CUX2: variants seen among roughly 807,000 people sequenced by gnomAD.
The protein encoded by CUX2 is cut like homeobox 2.
A neutral mutation model predicts 144.8 loss-of-function variants in CUX2; 40 were observed. The observed-to-expected ratio is 0.28, with a 90% CI of 0.21 to 0.36. The LOEUF (loss-of-function observed/expected upper bound fraction) is 0.36, where lower values mean the gene tolerates loss of function less well. Ranked by LOEUF, CUX2 falls within the 10% of genes least tolerant of loss-of-function variation. The pLI, the probability that CUX2 is intolerant of heterozygous loss-of-function variation, is 1.00. For missense variants in CUX2, 1,615 were observed against 1,994.0 expected, an observed-to-expected ratio of 0.81 and a Z score of 3.62; for synonymous variants, 827 against 875.6, an observed-to-expected ratio of 0.94 and a Z score of 0.98.
Position 111,035,355 on chromosome 12 carries a change from G to C in CUX2, c.63+1115G>C, listed in dbSNP as rs7133580. ...TTTGGAGGTGTTCTCTGCGGACCCCGTAGGAGCCGGGGCTGGGAGGTGGAA... is the reference window on the plus strand; with the variant it reads ...TTTGGAGGTGTTCTCTGCGGACCCCCTAGGAGCCGGGGCTGGGAGGTGGAA... On this transcript the variant is annotated intron_variant, in intron 1 of 21. Transcript: ENST00000261726. The surrounding 1 kb of genome is among the most constrained non-coding windows in gnomAD (Gnocchi z 6.0). Among the ~76,000 whole-genome samples the C allele has an allele frequency of 0.077, 11,688 of 152,160 alleles. 1,474 individuals are homozygous for C. Among genetic ancestry groups the C allele is most frequent in the African/African-American group, 0.27 (11,043 of 41,472 alleles).
At position 111,068,733 on chromosome 12, in the gene CUX2, T is replaced by C. The variant is rs1482176016; in HGVS notation, c.63+34493T>C. ...CCCATGTCAGGGGCTGTTTGCACCC[T>C]GAGAGGAGAGGAGACGGGGTGCCGG... is the stretch of plus-strand genomic sequence containing the variant. On this transcript the variant is annotated intron_variant, in intron 1 of 21. Coordinates refer to ENST00000261726, the MANE Select transcript of CUX2 (RefSeq NM_015267.4). This position sits in a 1 kb window ranked among gnomAD's most constrained non-coding sequence, Gnocchi z 4.9. Among the ~76,000 whole-genome samples, 3 of 152,194 alleles carry C rather than the reference T, an allele frequency of 2.0e-5. No individual in the cohort carries two copies. Among genetic ancestry groups the C allele is most frequent in the Non-Finnish European group, 4.4e-5 (3 of 68,036 alleles).
At chr12:111,241,582 G>T (rs1478430465) in intron 3 of CUX2, among the ~76,000 whole-genome samples, 1 of 152,356 alleles carries the variant, frequency 6.6e-6, no homozygotes, top group East Asian at 1.9e-4. Flanking sequence ...TGTGAAAGGG[G>T]AGCACCTGCT....
At chr12:111,238,459 C>G (rs1416760471) in intron 3 of CUX2, among the ~76,000 whole-genome samples, 5 of 152,188 alleles carry the variant, frequency 3.3e-5, no homozygotes, top group African/African-American at 9.7e-5. Flanking sequence ...TCCATGACTC[C>G]CCTTTAAGGG....
At chr12:111,270,376 G>C (rs974937928) in intron 4 of CUX2, 2 of 152,202 alleles carry the variant, frequency 1.3e-5, no homozygotes, top group Non-Finnish European at 2.9e-5. Context: ...ATTTTGATAA[G>C]TGTGCAGCCT....
At chr12:111,290,617 G>A (rs886193087) in intron 4 of CUX2, among the ~76,000 whole-genome samples, 1 of 151,814 alleles carries the variant, frequency 6.6e-6, no homozygotes, top group East Asian at 1.9e-4. Flanking sequence ...TAGTAGCAAC[G>A]GGGTTTCACC....
At chr12:111,259,793 C>CA (rs770448329) in intron 3 of CUX2, among the ~76,000 whole-genome samples, 4,916 of 73,690 alleles carry the variant, frequency 0.067, 265 homozygotes, top group African/African-American at 0.15. Flanking sequence ...GACTCTGTCT[C>CA]AAAAAAAAAA....
At chr12:111,271,124 G>A (rs543603415) in intron 4 of CUX2, among the ~76,000 whole-genome samples, 9 of 152,282 alleles carry the variant, frequency 5.9e-5, no homozygotes, top group African/African-American at 1.9e-4. Flanking sequence ...TACGAGGTTC[G>A]GTCTGTTGTC....
intron 1 of CUX2, among the ~76,000 whole-genome samples, chr12:111,054,452 G>C (rs1260702861): frequency 6.6e-6 from 1 of 152,208 alleles, no homozygotes; most frequent in Non-Finnish European, 1.5e-5. Context: ...ATAATGGGCA[G>C]AATTTACATG....
chr12:111,259,808 A>G (rs934095743), intron 3 of CUX2, among the ~76,000 whole-genome samples: 1 of 151,882 alleles, frequency 6.6e-6, no homozygotes, highest in Non-Finnish European at 1.5e-5. Context: ...AAAAAAAAAA[A>G]AAAGAAATTA....
At chr12:111,087,366 CAAAAAAAAAAAAAAA>C (rs1159500448) in intron 1 of CUX2, among the ~76,000 whole-genome samples, 19 of 45,054 alleles carry the variant, frequency 4.2e-4, no homozygotes, top group Non-Finnish European at 7.8e-4. Context: ...GACTCCATCT[CAAAAAAAAAAAAAAA>C]AAAAAAAAAA....
At chr12:111,112,281 G>A (rs1296575964) in intron 1 of CUX2, among the ~76,000 whole-genome samples, 2 of 152,152 alleles carry the variant, frequency 1.3e-5, no homozygotes, top group African/African-American at 4.8e-5. Context: ...GCTGCAGAAA[G>A]GAATTTTAAA....
At chr12:111,158,047 A>G (rs1341808586) in intron 1 of CUX2, among the ~76,000 whole-genome samples, 1 of 152,242 alleles carries the variant, frequency 6.6e-6, no homozygotes, top group Admixed American at 6.5e-5. Context: ...CAAAGGACCA[A>G]TGTGATTCCA....
chr12:111,205,011 G>A (rs1433206043), intron 1 of CUX2, among the ~76,000 whole-genome samples: 5 of 152,142 alleles, frequency 3.3e-5, no homozygotes, highest in Non-Finnish European at 7.4e-5. Flanking sequence ...CCTGGCCTCG[G>A]ATAATTGGCC....
rs886727043 is a variant in CUX2 at position 111,171,528 on chromosome 12, C to T, written c.64-42672C>T. Among the ~76,000 whole-genome samples the T allele has an allele frequency of 5.3e-5, 8 of 152,268 alleles. No individual in the cohort carries two copies. Among genetic ancestry groups the T allele is most frequent in the African/African-American group, 1.4e-4 (6 of 41,552 alleles). On this transcript the variant is annotated intron_variant, in intron 1 of 21. Coordinates refer to ENST00000261726, the MANE Select transcript of CUX2 (RefSeq NM_015267.4). This position sits in a 1 kb window ranked among gnomAD's most constrained non-coding sequence, Gnocchi z 5.0. Reference sequence around the variant, plus strand: ...ATGGCTTGTGGGGAAACCCCGGTCCCGTGTCCCTGTGCACGCAGATGGCTA... The same window carrying T: ...ATGGCTTGTGGGGAAACCCCGGTCCTGTGTCCCTGTGCACGCAGATGGCTA...
intron 3 of CUX2, among the ~76,000 whole-genome samples, chr12:111,226,017 C>T (rs1233013312): frequency 6.6e-6 from 1 of 152,232 alleles, no homozygotes. Context: ...AATCTCAGCT[C>T]ACTGCAACCT....
intron 1 of CUX2, among the ~76,000 whole-genome samples, chr12:111,165,999 G>T (rs954646146): frequency 3.3e-5 from 5 of 152,126 alleles, no homozygotes; most frequent in African/African-American, 1.2e-4. Context: ...CGCTTTCAGT[G>T]TGTCCACTTT....
chr12:111,181,748 A>T (rs1205524494), intron 1 of CUX2, among the ~76,000 whole-genome samples: 1 of 152,204 alleles, frequency 6.6e-6, no homozygotes, highest in Non-Finnish European at 1.5e-5. Context: ...TTAGACAAAG[A>T]TTCTGTTCTC....
At position 111,296,429 on chromosome 12, in the gene CUX2, C is replaced by T. The variant is rs1180166547; in HGVS notation, c.638-44C>T. The stretch of plus-strand genomic sequence containing the variant: ...ACCTCCCTGGGAGACCCAGCTCCTT[C>T]CCACTCGGAGGTGGGGCCTCACCCT... On this transcript the variant is annotated intron_variant, in intron 7 of 21. Coordinates refer to ENST00000261726, the MANE Select transcript of CUX2 (RefSeq NM_015267.4). 7 of 1,559,480 alleles carry T rather than the reference C, an allele frequency of 4.5e-6. No homozygotes were observed. In the Admixed American group the frequency reaches 5.4e-5, roughly 12 times the overall value.
chr12:111,079,621 TTCTCATTCCCCCA>T (rs1871754842), intron 1 of CUX2, among the ~76,000 whole-genome samples: 1 of 152,198 alleles, frequency 6.6e-6, no homozygotes, highest in Admixed American at 6.5e-5. Flanking sequence ...GAGTAGTGAT[TTCTCATTCCCCCA>T]TGCTCTGCTC....
Sources: gnomAD v4.1 joint callset for allele counts (sites outside exome capture counted in the v4.1 genomes callset) on GRCh38, gnomAD v4.1.1 for gene constraint, Gnocchi (gnomAD v3.1) non-coding constraint, MANE v1.5 for transcripts, NCBI Gene and HGNC (gene_info 2026-07-23, HGNC 2026-07-21) for gene names.